WNK1: variants seen among roughly 807,000 people sequenced by gnomAD.
WNK1 encodes serine/threonine-protein kinase WNK1.
Under a neutral mutation model 222.8 loss-of-function variants are expected in WNK1, and 38 were observed. That is an observed-to-expected ratio of 0.17 (90% CI 0.13 to 0.22). WNK1 has a LOEUF of 0.22. WNK1 is among the 10% of genes least tolerant of loss of function. The pLI, the probability that WNK1 is intolerant of heterozygous loss-of-function variation, is 1.00. For missense variants in WNK1, 2,348 were observed against 2,918.4 expected, an observed-to-expected ratio of 0.80 and a Z score of 4.50; for synonymous variants, 1,090 against 1,092.9, an observed-to-expected ratio of 1.00 and a Z score of 0.05.
intron 1 of WNK1, among the ~76,000 whole-genome samples, chr12:762,644 CAGTAATTGCCCA>C (rs1430191751): frequency 6.8e-6 from 1 of 147,216 alleles, no homozygotes; most frequent in Non-Finnish European, 1.5e-5. Context: ...ATTTGCATAG[CAGTAATTGCCCA>C]AAAATAGATT....
At chr12:819,106 G>A (rs139790087) in intron 2 of WNK1, among the ~76,000 whole-genome samples, 2,251 of 152,206 alleles carry the variant, frequency 0.015, 27 homozygotes, top group Non-Finnish European at 0.019. Flanking sequence ...TTAATAATGT[G>A]GAACATCTTT....
intron 1 of WNK1, among the ~76,000 whole-genome samples, chr12:808,283 G>T (rs1012490530): frequency 6.6e-6 from 1 of 151,928 alleles, no homozygotes; most frequent in African/African-American, 2.4e-5. Context: ...AAAGTAGTTT[G>T]CCTTTTTTTT....
At chr12:771,263 C>G (rs1423730194) in intron 1 of WNK1, among the ~76,000 whole-genome samples, 3 of 151,682 alleles carry the variant, frequency 2.0e-5, no homozygotes, top group African/African-American at 7.3e-5. Flanking sequence ...TCCCAAAGTG[C>G]TGGGATGACA....
chr12:754,905 G>A (rs1322014807), intron 1 of WNK1, among the ~76,000 whole-genome samples: 1 of 152,128 alleles, frequency 6.6e-6, no homozygotes, highest in Non-Finnish European at 1.5e-5. Flanking sequence ...TAGCAGCATT[G>A]CTCTGACGTT....
intron 8 of WNK1, among the ~76,000 whole-genome samples, chr12:863,046 A>T (rs72648699): frequency 5.3e-5 from 8 of 152,122 alleles, no homozygotes; most frequent in African/African-American, 1.9e-4. Flanking sequence ...TCTTTTGTTG[A>T]CCTCAGAGGA....
At position 868,547 on chromosome 12, in the gene WNK1, A is replaced by T. The variant is rs1951875500; in HGVS notation, c.2140-2718A>T. ...TATCAGTACAGATGCTACACGTTTG[A>T]AATTTCACCCTGTCTTTGTTCCTCA... is the stretch of plus-strand genomic sequence containing the variant. On this transcript the variant is annotated intron_variant, in intron 8 of 27. Transcript: ENST00000315939. 1 of 1,613,868 alleles carries T rather than the reference A, an allele frequency of 6.2e-7. No individual in the cohort carries two copies.
chr12:896,968 G>A (rs1423676953), intron 24 of WNK1, among the ~76,000 whole-genome samples: 1 of 147,828 alleles, frequency 6.8e-6, no homozygotes, highest in Non-Finnish European at 1.5e-5. Flanking sequence ...CACAGGCACA[G>A]GCAGCTTCTC....
At chr12:844,160 C>T (rs1025978404) in intron 4 of WNK1, among the ~76,000 whole-genome samples, 2 of 151,336 alleles carry the variant, frequency 1.3e-5, no homozygotes, top group South Asian at 4.2e-4. Flanking sequence ...GAGACGGGGT[C>T]TTGCTCTGTC....
At chr12:840,441 T>A (rs1949539874) in intron 4 of WNK1, among the ~76,000 whole-genome samples, 1 of 148,000 alleles carries the variant, frequency 6.8e-6, no homozygotes, top group African/African-American at 2.4e-5. Flanking sequence ...GGTTTTTATA[T>A]TTTTTAATGT....
intron 1 of WNK1, among the ~76,000 whole-genome samples, chr12:779,011 A>G (rs746856741): frequency 3.9e-5 from 6 of 152,198 alleles, no homozygotes; most frequent in Admixed American, 6.5e-5. Context: ...GAAATAAGAA[A>G]TTAAGAATTT....
chr12:765,641 G>A (rs999800924), intron 1 of WNK1, among the ~76,000 whole-genome samples: 82 of 152,002 alleles, frequency 5.4e-4, no homozygotes, highest in African/African-American at 1.8e-3. Flanking sequence ...AAAATATAAC[G>A]ATATGAGGAC....
Position 884,837 on chromosome 12 carries a change from G to A in WNK1, c.4033G>A (p.Gly1345Arg), listed in dbSNP as rs779584045. 1 of 1,614,096 alleles carries A rather than the reference G, an allele frequency of 6.2e-7. No homozygotes were observed. Among genetic ancestry groups the A allele is most frequent in the Non-Finnish European group, 8.5e-7 (1 of 1,180,016 alleles). ...ACCTCCTTTCTTAAGTAGCATTGCT[G>A]GAGTCCCAACCACAGCAGCAGCCAC... ...VVPPFLSSIA[G>R]VPTTAAATAP... The change falls in exon 19 of 28, where the codon GGA (glycine) becomes AGA (arginine). Residue 1345 changes from glycine (G) to arginine (R), a missense_variant. By Grantham distance (125) the Gly-to-Arg change is moderately radical. This residue lies in a region of WNK1 where 1,144 missense variants were observed against 1,273.6 expected (regional missense o/e 0.90). Transcript: ENST00000315939. This position sits in a 1 kb window ranked among gnomAD's most constrained non-coding sequence, Gnocchi z 5.6.
Position 908,777 on chromosome 12 carries a change from C to T in WNK1, c.7134C>T (p.Asn2378=). ...QKSISNPPGS[N]LRTT ...CCATCAGCAACCCCCCAGGCTCCAA[C>T]CTGCGGACCACTTAGACCTAGAGAC... The change falls in exon 28 of 28, where the codon AAC becomes AAT. Residue 2378 remains asparagine, a synonymous_variant. Coordinates refer to ENST00000315939, the MANE Select transcript of WNK1 (RefSeq NM_018979.4). The T allele has an allele frequency of 6.2e-7, 1 of 1,607,840 alleles. No homozygotes were observed. The highest frequency in any genetic ancestry group is 8.5e-7 in the Non-Finnish European group (1 of 1,176,468).
At chr12:803,407 G>A (rs544630783) in intron 1 of WNK1, among the ~76,000 whole-genome samples, 36 of 152,184 alleles carry the variant, frequency 2.4e-4, no homozygotes, top group Non-Finnish European at 4.0e-4. Flanking sequence ...ATACAATAGC[G>A]TGATAAATAC....
chr12:807,812 CG>C (rs772270918), intron 1 of WNK1, among the ~76,000 whole-genome samples: 75 of 147,834 alleles, frequency 5.1e-4, no homozygotes, highest in Non-Finnish European at 1.0e-3. Flanking sequence ...CTCCGCCTCC[CG>C]GGTTCACGCC....
In WNK1 at chr12:827,079, C is replaced by T. The variant is rs1413552925; in HGVS notation, c.970C>T (p.Leu324=). ...KRFKVMKIKV[L]RSWCRQILKG... is the part of the protein sequence containing the mutation. ...GTTTAAAGTGATGAAGATCAAAGTTCTAAGAAGCTGGTGCCGTCAGATCCT... is the reference window on the plus strand; with the variant it reads ...GTTTAAAGTGATGAAGATCAAAGTTTTAAGAAGCTGGTGCCGTCAGATCCT... The change falls in exon 3 of 28, where the codon CTA becomes TTA. Residue 324 remains leucine, a synonymous_variant. Coordinates refer to ENST00000315939, the MANE Select transcript of WNK1 (RefSeq NM_018979.4). The surrounding 1 kb of genome is among the most constrained non-coding windows in gnomAD (Gnocchi z 4.6). 6.2e-7 allele frequency: 1 copy of T among 1,613,962 alleles called. No individual in the cohort carries two copies. Among genetic ancestry groups the T allele is most frequent in the Non-Finnish European group, 8.5e-7 (1 of 1,180,028 alleles).
At position 908,922 on chromosome 12, in the gene WNK1, A is replaced by G; in HGVS notation, c.*130A>G. ...AACTGGTTATTTCTTGCCAGAGGGG[A>G]ATGTTTTTAATACTGCATTGAGCCC... On this transcript the variant is annotated 3_prime_UTR_variant, in exon 28 of 28. Coordinates refer to ENST00000315939, the MANE Select transcript of WNK1 (RefSeq NM_018979.4). 2.0e-6 allele frequency: 2 copies of G among 1,021,948 alleles called. No homozygotes were observed. Among genetic ancestry groups the G allele is most frequent in the South Asian group, 2.9e-5 (2 of 69,712 alleles). 63.3% of individuals were successfully genotyped at this position (1,021,948 alleles called of 1,614,324 possible).
chr12:881,578 T>A (rs539627591), intron 12 of WNK1, 114 bp from the exon 13 acceptor site: 12 of 815,042 alleles, frequency 1.5e-5, no homozygotes. Context: ...CTAGTAAATT[T>A]AGTGCTTCTA....
intron 9 of WNK1, 123 bp downstream of exon 9, chr12:871,471 T>G: frequency 3.4e-6 from 3 of 884,460 alleles, no homozygotes; most frequent in Non-Finnish European, 3.7e-6. Flanking sequence ...AGGCATACCA[T>G]GTCTTGTGTT....
Sources: allele counts gnomAD v4.1 joint callset (sites outside exome capture counted in the v4.1 genomes callset), GRCh38; gene constraint gnomAD v4.1.1; regional missense constraint gnomAD v4.1.1; non-coding constraint Gnocchi (gnomAD v3.1); transcripts MANE v1.5; gene names NCBI Gene and HGNC (gene_info 2026-07-23, HGNC 2026-07-21).